Variants in SCUBE1 observed in about 807,000 individuals in gnomAD.
SCUBE1 encodes the protein signal peptide, CUB domain and EGF like domain containing 1.
A neutral mutation model predicts 124.4 loss-of-function variants in SCUBE1; 59 were observed. That is an observed-to-expected ratio of 0.47 (90% CI 0.38 to 0.59). The LOEUF (loss-of-function observed/expected upper bound fraction) is 0.59, where lower values mean the gene tolerates loss of function less well. Ranked by LOEUF, SCUBE1 falls within the 20% of genes least tolerant of loss-of-function variation. The probability of loss-of-function intolerance (pLI) is 0.00; values close to 1 mark genes in which losing one functional copy is unlikely to be tolerated. For synonymous variants in SCUBE1, 545 were observed against 550.9 expected (o/e 0.99, Z 0.15); for missense variants, 1,150 against 1,371.2 (o/e 0.84, Z 2.55).
chr22:43,240,122 G>A (rs564316231), intron 6 of SCUBE1, among the ~76,000 whole-genome samples: 3 of 152,276 alleles, frequency 2.0e-5, no homozygotes, highest in South Asian at 4.1e-4. Flanking sequence ...GTGTGTGCGT[G>A]TGCATCTGAG....
At chr22:43,243,910 G>A (rs1017489142) in intron 6 of SCUBE1, among the ~76,000 whole-genome samples, 3 of 152,192 alleles carry the variant, frequency 2.0e-5, no homozygotes, top group Middle Eastern at 6.3e-3. Context: ...AGAACCCACA[G>A]GCAGTTGCTA....
intron 2 of SCUBE1, among the ~76,000 whole-genome samples, chr22:43,338,755 C>T (rs1199267543): frequency 6.6e-6 from 1 of 152,164 alleles, no homozygotes; most frequent in African/African-American, 2.4e-5. Flanking sequence ...CCAGGCTGGT[C>T]TCAAACTCTT....
chr22:43,217,541 G>A (rs1379552528), intron 15 of SCUBE1, among the ~76,000 whole-genome samples: 2 of 152,086 alleles, frequency 1.3e-5, no homozygotes, highest in African/African-American at 4.8e-5. Context: ...CCGTAAGAGC[G>A]CGCATGAGCC....
intron 6 of SCUBE1, among the ~76,000 whole-genome samples, chr22:43,253,797 G>T (rs1336397722): frequency 8.3e-6 from 1 of 121,092 alleles, no homozygotes; most frequent in South Asian, 2.2e-4. Context: ...TGGGAAGGTC[G>T]CGGGGTACCT....
intron 7 of SCUBE1, chr22:43,232,108 A>G (rs1276665179): frequency 3.7e-6 from 2 of 545,308 alleles, no homozygotes; most frequent in Admixed American, 3.1e-5. Context: ...AAGCTTCACC[A>G]CTTCCCCTGA....
At chr22:43,292,679 A>C (rs1006004095) in intron 3 of SCUBE1, among the ~76,000 whole-genome samples, 36 of 152,174 alleles carry the variant, frequency 2.4e-4, no homozygotes, top group Non-Finnish European at 2.9e-5. Flanking sequence ...GAAAAGGTAA[A>C]GAGTTGGTGA....
At position 43,214,100 on chromosome 22, in the gene SCUBE1, C is replaced by T. The variant is rs34893532; in HGVS notation, c.2043G>A (p.Ser681=). 0.12 allele frequency: 167,672 copies of T among 1,445,518 alleles called. 9,704 individuals carry two copies. The highest frequency in any genetic ancestry group is 0.13 in the Non-Finnish European group (136,177 of 1,080,166). The allele number at this position is 1,445,518 out of a possible 1,614,324, so 89.5% of individuals were successfully genotyped here. A position where few individuals can be genotyped will look rare whatever the true frequency, so the allele number is the denominator to read the frequency against. ...TAGGCCCGCACTTGCCTCCACATTC[C>T]GACACGTTGCGGGCACCAGGCAGAC... ...GLGLPGARNV[S]ECGGQCSPGF... is the part of the protein sequence containing the mutation. Residue 681 remains serine, a synonymous_variant, in exon 16 of 22, where the codon TCG becomes TCA. Coordinates refer to ENST00000360835, the MANE Select transcript of SCUBE1 (RefSeq NM_173050.5).
Position 43,210,226 on chromosome 22 carries a change from C to A in SCUBE1, c.2398G>T (p.Gly800Cys). ...VTHCKNQHCG[G>C]ELGDYTGYIE... ...TAGCCGGTGTAGTCACCAAGCTCGC[C>A]GCCGCAGTGCTGGTCTGTGGGCACA... The change falls in exon 19 of 22, where the codon GGC (glycine) becomes TGC (cysteine). Residue 800 changes from glycine (G) to cysteine (C), a missense_variant. Physicochemically the swap from Gly to Cys is radical, Grantham distance 159 (BLOSUM62 -3). Transcript: ENST00000360835. The surrounding 1 kb of genome is among the most constrained non-coding windows in gnomAD (Gnocchi z 4.5). 1 of 1,555,392 alleles carries A rather than the reference C, an allele frequency of 6.4e-7. No individual in the cohort carries two copies. The highest frequency in any genetic ancestry group is 8.7e-7 in the Non-Finnish European group (1 of 1,152,244).
At chr22:43,248,845 C>T (rs1020780018) in intron 6 of SCUBE1, among the ~76,000 whole-genome samples, 11 of 152,194 alleles carry the variant, frequency 7.2e-5, no homozygotes, top group Non-Finnish European at 1.5e-4. Flanking sequence ...TGGATACCTG[C>T]CTGCCTGGGC....
At chr22:43,319,889 C>T in intron 3 of SCUBE1, 48 bp downstream of exon 3, 1 of 1,601,098 alleles carries the variant, frequency 6.2e-7, no homozygotes, top group Non-Finnish European at 8.5e-7. Context: ...TGGAGCAAAG[C>T]AACAGGCAGG....
intron 6 of SCUBE1, among the ~76,000 whole-genome samples, chr22:43,251,374 A>G (rs1923440676): frequency 6.6e-6 from 1 of 152,242 alleles, no homozygotes; most frequent in Admixed American, 6.5e-5. Flanking sequence ...TTTAGGCAGA[A>G]TAATGCCCCC....
chr22:43,262,581 C>T (rs1923911535), intron 5 of SCUBE1, 139 bp downstream of exon 5: 1 of 994,620 alleles, frequency 1.0e-6, no homozygotes, highest in Non-Finnish European at 1.5e-6. Context: ...CAGGCCCCTT[C>T]CACAGGCCCT....
rs577343263 is a variant in SCUBE1, at chr22:43,234,064, G to A, written c.845-2189C>T. On this transcript the variant is annotated intron_variant, in intron 7 of 21. Transcript: ENST00000360835. The surrounding 1 kb of genome is among the most constrained non-coding windows in gnomAD (Gnocchi z 4.4). ...AGACGGGCCTGCTGCAGCACATCAC[G>A]CTGGCCCTGCAGCCACCAAGAAAGA... Among the ~76,000 whole-genome samples, 25 of 152,094 alleles carry A rather than the reference G, an allele frequency of 1.6e-4. No individual in the cohort carries two copies. The highest frequency in any genetic ancestry group is 6.3e-4 in the South Asian group (3 of 4,800).
chr22:43,293,957 T>C (rs1403017146), intron 3 of SCUBE1, among the ~76,000 whole-genome samples: 1 of 152,202 alleles, frequency 6.6e-6, no homozygotes, highest in African/African-American at 2.4e-5. Context: ...CAAAGGGCGG[T>C]TGACGTAAGG....
At chr22:43,278,758 G>A (rs1440419656) in intron 4 of SCUBE1, among the ~76,000 whole-genome samples, 1 of 152,200 alleles carries the variant, frequency 6.6e-6, no homozygotes, top group Admixed American at 6.5e-5. Flanking sequence ...GTGCAGCTCA[G>A]GGAAGCTCAG....
intron 19 of SCUBE1, among the ~76,000 whole-genome samples, chr22:43,208,819 A>C (rs1921408978): frequency 6.6e-6 from 1 of 152,200 alleles, no homozygotes; most frequent in African/African-American, 2.4e-5. Flanking sequence ...AAACTCTGCA[A>C]ACCATCCTTT....
intron 2 of SCUBE1, among the ~76,000 whole-genome samples, chr22:43,326,326 G>T (rs1365036772): frequency 6.6e-6 from 1 of 152,172 alleles, no homozygotes; most frequent in Non-Finnish European, 1.5e-5. Flanking sequence ...GCCCTCCTTA[G>T]ATCAGGCAAC....
intron 5 of SCUBE1, among the ~76,000 whole-genome samples, chr22:43,261,199 C>T (rs1462527344): frequency 6.6e-6 from 1 of 152,162 alleles, no homozygotes; most frequent in Non-Finnish European, 1.5e-5. Flanking sequence ...CTGAGGTGGC[C>T]GGGGGCAGAA....
intron 4 of SCUBE1, among the ~76,000 whole-genome samples, chr22:43,277,033 C>A (rs1320185280): frequency 6.6e-6 from 1 of 152,130 alleles, no homozygotes; most frequent in Non-Finnish European, 1.5e-5. Flanking sequence ...GGCCCGGGAG[C>A]AGAGACATGA....
Sources: gnomAD v4.1 joint callset for allele counts (sites outside exome capture counted in the v4.1 genomes callset) on GRCh38, gnomAD v4.1.1 for gene constraint, Gnocchi (gnomAD v3.1) non-coding constraint, MANE v1.5 for transcripts, NCBI Gene and HGNC (gene_info 2026-07-23, HGNC 2026-07-21) for gene names.